THSD4: variants seen among roughly 807,000 people sequenced by gnomAD.
THSD4 encodes the protein thrombospondin type 1 domain containing 4.
Under a neutral mutation model 119.0 loss-of-function variants are expected in THSD4, and 69 were observed. The observed-to-expected ratio is 0.58, with a 90% CI of 0.48 to 0.71. THSD4 has a LOEUF of 0.71. Among genes scored for constraint, THSD4 ranks in the 30% least tolerant of loss-of-function variants. THSD4 has a pLI of 0.00. For synonymous variants in THSD4, 524 were observed against 540.4 expected (o/e 0.97, Z 0.42); for missense variants, 1,393 against 1,391.1 (o/e 1.00, Z -0.02).
At chr15:71,568,591 T>G (rs918928773) in intron 7 of THSD4, among the ~76,000 whole-genome samples, 28 of 150,662 alleles carry the variant, frequency 1.9e-4, no homozygotes, top group African/African-American at 6.6e-4. Context: ...TGTTTTTTGT[T>G]TTTCTTTTTT....
chr15:71,453,458 C>T (rs1025037085), intron 7 of THSD4, among the ~76,000 whole-genome samples: 3 of 152,170 alleles, frequency 2.0e-5, no homozygotes, highest in African/African-American at 4.8e-5. Flanking sequence ...TGGAGCAACA[C>T]GGTGTCACCT....
rs1013480417 is a variant in THSD4, at chr15:71,778,918, A to T, written c.*1544A>T. 2 of 152,272 alleles carry T rather than the reference A, an allele frequency of 1.3e-5. No homozygotes were observed. The highest frequency in any genetic ancestry group is 2.9e-5 in the Non-Finnish European group (2 of 68,048). 9.4% of individuals were successfully genotyped at this position (152,272 alleles called of 1,614,324 possible). On this transcript the variant is annotated 3_prime_UTR_variant, in exon 18 of 18. Coordinates refer to ENST00000261862, the MANE Select transcript of THSD4 (RefSeq NM_024817.3). Reference sequence around the variant, plus strand: ...TTTTACCCATTAAGAAAAAATGGCAAGCTAAACAAATGTTAAACTTACAGA... The same window carrying T: ...TTTTACCCATTAAGAAAAAATGGCATGCTAAACAAATGTTAAACTTACAGA...
At chr15:71,470,262 G>A (rs1365973187) in intron 7 of THSD4, among the ~76,000 whole-genome samples, 1 of 151,998 alleles carries the variant, frequency 6.6e-6, no homozygotes, top group Admixed American at 6.6e-5. Flanking sequence ...CAAGGGTTGT[G>A]GAAAAAACCT....
At chr15:71,606,891 A>G (rs1339134790) in intron 7 of THSD4, among the ~76,000 whole-genome samples, 3 of 152,240 alleles carry the variant, frequency 2.0e-5, no homozygotes, top group Admixed American at 6.5e-5. Flanking sequence ...ATCAAATCTG[A>G]AAACATTTTG....
intron 3 of THSD4, among the ~76,000 whole-genome samples, chr15:71,205,696 G>A (rs988886360): frequency 2.6e-5 from 4 of 152,146 alleles, no homozygotes; most frequent in African/African-American, 9.7e-5. Context: ...CACTGATACT[G>A]CAGCTGCTGG....
chr15:71,706,327 T>C (rs1381754817), intron 8 of THSD4, among the ~76,000 whole-genome samples: 1 of 152,108 alleles, frequency 6.6e-6, no homozygotes. Flanking sequence ...GGAGGACACC[T>C]GAGCCAGTGA....
At chr15:71,359,458 G>A (rs190036590) in intron 6 of THSD4, among the ~76,000 whole-genome samples, 26 of 152,328 alleles carry the variant, frequency 1.7e-4, no homozygotes, top group Non-Finnish European at 2.1e-4. Flanking sequence ...CTGAGGCTTA[G>A]TGAAGTTAAG....
At chr15:71,547,776 C>CAT in intron 7 of THSD4, 2 of 209,196 alleles carry the variant, frequency 9.6e-6, no homozygotes, top group Non-Finnish European at 9.1e-6. Context: ...CCTGCTGTAG[C>CAT]AGAAAAAAAA....
intron 3 of THSD4, among the ~76,000 whole-genome samples, chr15:71,214,672 C>T (rs1455474109): frequency 2.0e-5 from 3 of 152,218 alleles, no homozygotes; most frequent in African/African-American, 7.2e-5. Flanking sequence ...CCTTGCCTTT[C>T]CGGCAGGGTG....
chr15:71,219,559 C>T (rs1419821341), intron 4 of THSD4, among the ~76,000 whole-genome samples: 1 of 151,982 alleles, frequency 6.6e-6, no homozygotes, highest in Non-Finnish European at 1.5e-5. Context: ...TCTGATATAC[C>T]CTAGAGTTTG....
intron 8 of THSD4, among the ~76,000 whole-genome samples, chr15:71,674,275 T>G (rs1177370470): frequency 6.6e-6 from 1 of 152,220 alleles, no homozygotes; most frequent in Admixed American, 6.5e-5. Flanking sequence ...CTCTGCCCAT[T>G]GAAATTGGTC....
chr15:71,689,857 T>A (rs2052009567), intron 8 of THSD4, among the ~76,000 whole-genome samples: 1 of 152,220 alleles, frequency 6.6e-6, no homozygotes, highest in Admixed American at 6.5e-5. Context: ...TGGAGCAACC[T>A]GTTTGGGTGT....
intron 7 of THSD4, among the ~76,000 whole-genome samples, chr15:71,610,763 C>T (rs2050208407): frequency 6.6e-6 from 1 of 152,164 alleles, no homozygotes; most frequent in Non-Finnish European, 1.5e-5. Context: ...ATAGCTCTTT[C>T]CTTACATAAT....
chr15:71,200,224 A>G (rs1239067909), intron 3 of THSD4, among the ~76,000 whole-genome samples: 1 of 152,034 alleles, frequency 6.6e-6, no homozygotes, highest in Admixed American at 6.5e-5. Flanking sequence ...TCACCGAGTC[A>G]TTGTTGGTCC....
At chr15:71,400,248 G>A (rs1017374406) in intron 6 of THSD4, among the ~76,000 whole-genome samples, 4 of 152,124 alleles carry the variant, frequency 2.6e-5, no homozygotes, top group Non-Finnish European at 5.9e-5. Flanking sequence ...TAAGCTGTGT[G>A]TTTTTGCATT....
At chr15:71,307,217 A>G (rs1244796472) in intron 6 of THSD4, among the ~76,000 whole-genome samples, 1 of 152,208 alleles carries the variant, frequency 6.6e-6, no homozygotes, top group East Asian at 1.9e-4. Flanking sequence ...AGGCTGGCTC[A>G]GTAAATATGC....
chr15:71,315,187 G>A (rs2045169013), intron 6 of THSD4, among the ~76,000 whole-genome samples: 1 of 152,216 alleles, frequency 6.6e-6, no homozygotes, highest in Admixed American at 6.5e-5. Context: ...TGGGCTGCCT[G>A]CCTTCATCTC....
intron 1 of THSD4, among the ~76,000 whole-genome samples, chr15:71,100,462 G>C (rs950185596): frequency 6.6e-6 from 1 of 152,094 alleles, no homozygotes; most frequent in Non-Finnish European, 1.5e-5. Flanking sequence ...TTTTTCCCCA[G>C]TAAAGCCTTC....
At chr15:71,404,160 A>G (rs1318200737) in intron 6 of THSD4, among the ~76,000 whole-genome samples, 1 of 152,210 alleles carries the variant, frequency 6.6e-6, no homozygotes, top group Non-Finnish European at 1.5e-5. Flanking sequence ...TATATTCACA[A>G]TTATATAACT....
Sources: gnomAD v4.1 joint callset for allele counts (sites outside exome capture counted in the v4.1 genomes callset) on GRCh38, gnomAD v4.1.1 for gene constraint, MANE v1.5 for transcripts, NCBI Gene and HGNC (gene_info 2026-07-23, HGNC 2026-07-21) for gene names.